The following ZFPM1 variants were observed in gnomAD, a reference collection of about 807,000 sequenced individuals.
ZFPM1 encodes zinc finger protein ZFPM1.
Under a neutral mutation model 46.3 loss-of-function variants are expected in ZFPM1, and 28 were observed. That is an observed-to-expected ratio of 0.60 (90% CI 0.45 to 0.83). The LOEUF (loss-of-function observed/expected upper bound fraction) is 0.83, where lower values mean the gene tolerates loss of function less well. ZFPM1 is among the 40% of genes least tolerant of loss of function. ZFPM1 has a pLI of 0.00. For synonymous variants in ZFPM1, 957 were observed against 675.9 expected (o/e 1.42, Z -6.45); for missense variants, 1,878 against 1,432.4 (o/e 1.31, Z -5.02).
intron 4 of ZFPM1, among the ~76,000 whole-genome samples, chr16:88,519,946 GATGA>G (rs1176551653): frequency 6.7e-6 from 1 of 149,828 alleles, no homozygotes; most frequent in Non-Finnish European, 1.5e-5. Context: ...TGGATGGATG[GATGA>G]ATGGATGGAT....
At position 88,532,788 on chromosome 16, in the gene ZFPM1, G is replaced by A. The variant is rs1463731643; in HGVS notation, c.1043-1G>A. 3.7e-6 allele frequency: 6 copies of A among 1,613,070 alleles called. No individual in the cohort carries two copies. Among genetic ancestry groups the A allele is most frequent in the Non-Finnish European group, 5.1e-6 (6 of 1,179,934 alleles). On this transcript the variant is annotated splice_acceptor_variant, in intron 8 of 9. Coordinates refer to ENST00000319555, the MANE Select transcript of ZFPM1 (RefSeq NM_153813.3). LOFTEE classifies it high-confidence loss of function. The stretch of plus-strand genomic sequence containing the variant: ...CTTGACCACCTCGCCATGGCCCACA[G>A]GTGTCTGCCACAGCTGTGGCTTCAT...
intron 3 of ZFPM1, among the ~76,000 whole-genome samples, chr16:88,495,134 G>A (rs773914980): frequency 6.6e-6 from 1 of 152,244 alleles, no homozygotes; most frequent in African/African-American, 2.4e-5. Context: ...GAGGCGCTCA[G>A]ACGTGCCAGC....
At chr16:88,527,190 G>A (rs1912408111) in intron 5 of ZFPM1, among the ~76,000 whole-genome samples, 1 of 152,172 alleles carries the variant, frequency 6.6e-6, no homozygotes, top group South Asian at 2.1e-4. Context: ...CCCCTCTGGG[G>A]GACACCGTGA....
chr16:88,466,239 C>A lies in ZFPM1; in HGVS notation c.40+12561C>A, dbSNP rs138644555. Among the ~76,000 whole-genome samples the A allele has an allele frequency of 5.7e-3, 861 of 152,272 alleles. 8 individuals are homozygous for A. The highest frequency in any genetic ancestry group is 0.02 in the African/African-American group (816 of 41,524). The stretch of plus-strand genomic sequence containing the variant: ...CCAGTTGTAGTGATCCTGATGGCGG[C>A]CGTGGTTAGACAACAGCTCCGTTAC... On this transcript the variant is annotated intron_variant, in intron 1 of 9. Transcript: ENST00000319555.
intron 4 of ZFPM1, chr16:88,516,208 C>G: frequency 2.5e-6 from 1 of 398,658 alleles, no homozygotes; most frequent in Non-Finnish European, 4.4e-6. Context: ...TGCCTATCCC[C>G]GGAGACCCTC....
intron 3 of ZFPM1, among the ~76,000 whole-genome samples, chr16:88,496,477 A>G (rs149849573): frequency 1.5e-3 from 225 of 151,750 alleles, no homozygotes; most frequent in African/African-American, 5.2e-3. Flanking sequence ...ACCCCCACTG[A>G]CTCCAGGGGC....
At chr16:88,495,570 C>T (rs541743071) in intron 3 of ZFPM1, among the ~76,000 whole-genome samples, 3 of 152,204 alleles carry the variant, frequency 2.0e-5, no homozygotes, top group East Asian at 1.9e-4. Context: ...TGGGAGGCAG[C>T]GTGGTGCAGG....
In ZFPM1 at chr16:88,533,279, G is replaced by A. The variant is rs200654742; in HGVS notation, c.1321G>A (p.Ala441Thr). The change falls in exon 10 of 10, where the codon GCC becomes ACC. Residue 441 changes from alanine to threonine, a missense_variant. By Grantham distance (58) the Ala-to-Thr change is moderately conservative (BLOSUM62 0). Coordinates refer to ENST00000319555, the MANE Select transcript of ZFPM1 (RefSeq NM_153813.3). Reference sequence around the variant, plus strand: ...CCTGGCCGAGGCCACCAACGGAGAGGCCAGAGCGGAGCCTCTGGCCCAGAA... The same window carrying A: ...CCTGGCCGAGGCCACCAACGGAGAGACCAGAGCGGAGCCTCTGGCCCAGAA... ...KALAEATNGEARAEPLAQNGG... is the reference protein window; with the variant it reads ...KALAEATNGETRAEPLAQNGG... 7.1e-3 allele frequency: 9,834 copies of A among 1,394,832 alleles called. 52 individuals carry two copies. Among genetic ancestry groups the A allele is most frequent in the Non-Finnish European group, 8.0e-3 (8,627 of 1,081,266 alleles). 86.4% of individuals were successfully genotyped at this position (1,394,832 alleles called of 1,614,324 possible). A position where few individuals can be genotyped will look rare whatever the true frequency, so the allele number is the denominator to read the frequency against.
chr16:88,472,354 C>CT (rs761646874), intron 1 of ZFPM1, among the ~76,000 whole-genome samples: 3,095 of 133,358 alleles, frequency 0.023, 126 homozygotes, highest in African/African-American at 0.073. Flanking sequence ...TTTGAATTTT[C>CT]TTTTTTTTTT....
In ZFPM1 at chr16:88,521,309, C is replaced by T. The variant is rs147506321; in HGVS notation, c.403-5505C>T. ...CCTGACTCAGCTCCCCAAGCCCAGC[C>T]TTCCCCTCCTATGAGATCAGGTTCT... On this transcript the variant is annotated intron_variant, in intron 4 of 9. Transcript: ENST00000319555. Among the ~76,000 whole-genome samples the T allele has an allele frequency of 1.5e-3, 234 of 151,772 alleles. 1 individual carries two copies. The highest frequency in any genetic ancestry group is 5.5e-3 in the African/African-American group (228 of 41,320).
intron 3 of ZFPM1, among the ~76,000 whole-genome samples, chr16:88,500,100 C>T (rs1054854851): frequency 3.9e-5 from 6 of 152,188 alleles, no homozygotes; most frequent in African/African-American, 1.2e-4. Flanking sequence ...CTTCCTCCTC[C>T]GCCCTCCCAC....
rs1913098901 is a variant in ZFPM1 at position 88,534,343 on chromosome 16, C to G, written c.2385C>G (p.Ile795Met). ...RSPGPAADGP[I>M]DLSKKPRRPL... is the part of the protein sequence containing the mutation. ...CCGGCCCCGCGGCCGACGGCCCCATCGACCTGAGCAAGAAGCCGCGGCGCC... is the reference window on the plus strand; with the variant it reads ...CCGGCCCCGCGGCCGACGGCCCCATGGACCTGAGCAAGAAGCCGCGGCGCC... The change falls in exon 10 of 10, where the codon ATC becomes ATG. Residue 795 changes from isoleucine (I) to methionine (M), a missense_variant. By Grantham distance (10) the Ile-to-Met change is conservative. Coordinates refer to ENST00000319555, the MANE Select transcript of ZFPM1 (RefSeq NM_153813.3). The G allele has an allele frequency of 2.2e-6, 3 of 1,391,880 alleles. No individual in the cohort carries two copies. The highest frequency in any genetic ancestry group is 6.4e-5 in the East Asian group (2 of 31,240). The allele number at this position is 1,391,880 out of a possible 1,614,324, so 86.2% of individuals were successfully genotyped here. A position where few individuals can be genotyped will look rare whatever the true frequency, so the allele number is the denominator to read the frequency against.
chr16:88,518,754 TGG>T (rs1286569967), intron 4 of ZFPM1, among the ~76,000 whole-genome samples: 1 of 136,900 alleles, frequency 7.3e-6, no homozygotes, highest in Non-Finnish European at 1.6e-5. Flanking sequence ...GATGGATGGA[TGG>T]ATGGATGGAT....
At chr16:88,468,861 C>G (rs895373906) in intron 1 of ZFPM1, 1 of 152,398 alleles carries the variant, frequency 6.6e-6, no homozygotes, top group Non-Finnish European at 1.5e-5. Context: ...TAGTTCCCAT[C>G]CTGGACCCTG....
chr16:88,506,398 C>T (rs1358258736), intron 3 of ZFPM1, among the ~76,000 whole-genome samples: 3 of 150,010 alleles, frequency 2.0e-5, no homozygotes, highest in African/African-American at 7.4e-5. Context: ...AGGCAGGCCC[C>T]TCCTTTGTTT....
At chr16:88,501,142 C>T (rs1255673749) in intron 3 of ZFPM1, among the ~76,000 whole-genome samples, 2 of 128,738 alleles carry the variant, frequency 1.6e-5, no homozygotes, top group Admixed American at 7.4e-5. Context: ...GGGGCCATCC[C>T]GCAGGTGCTG....
Position 88,534,748 on chromosome 16 carries a change from C to G in ZFPM1, c.2790C>G (p.Pro930=). ...GLGPEPQEPP[P]GPPPSPAAAP... ...GCCCGGAGCCCCAGGAGCCGCCGCC[C>G]GGCCCGCCCCCGTCCCCGGCCGCCG... The change falls in exon 10 of 10, where the codon CCC becomes CCG. Residue 930 remains proline, a synonymous_variant. Transcript: ENST00000319555. The G allele has an allele frequency of 9.9e-7, 1 of 1,011,494 alleles. No homozygotes were observed. The highest frequency in any genetic ancestry group is 1.2e-6 in the Non-Finnish European group (1 of 846,914). 62.7% of individuals were successfully genotyped at this position (1,011,494 alleles called of 1,614,324 possible).
chr16:88,514,467 C>A lies in ZFPM1; in HGVS notation c.349C>A (p.Pro117Thr). The change falls in exon 4 of 10, where the codon CCG (proline) becomes ACG (threonine). Residue 117 changes from proline to threonine, a missense_variant. Coordinates refer to ENST00000319555, the MANE Select transcript of ZFPM1 (RefSeq NM_153813.3). ...CCTCGCCACGGGCCTGTCCTGGGGC[C>A]CGTTCCATGGGAGTGTCCAGACCAG... ...LSLATGLSWG[P>T]FHGSVQTRAS... 1 of 1,562,504 alleles carries A rather than the reference C, an allele frequency of 6.4e-7. No homozygotes were observed. The highest frequency in any genetic ancestry group is 1.9e-5 in the Admixed American group (1 of 52,798).
chr16:88,506,347 A>T (rs1910658127), intron 3 of ZFPM1, among the ~76,000 whole-genome samples: 1 of 151,780 alleles, frequency 6.6e-6, no homozygotes. Context: ...CCAGGAGGTG[A>T]TGGGCCTGGG....
Sources: gnomAD v4.1 joint callset for allele counts (sites outside exome capture counted in the v4.1 genomes callset) on GRCh38, gnomAD v4.1.1 for gene constraint, MANE v1.5 for transcripts, NCBI Gene and HGNC (gene_info 2026-07-23, HGNC 2026-07-21) for gene names.